Variants in TMTC1 observed in about 807,000 individuals in gnomAD.
The protein encoded by TMTC1 is transmembrane O-mannosyltransferase targeting cadherins 1.
In TMTC1, 73 loss-of-function variants were observed where a neutral mutation model predicts 104.8. The observed-to-expected ratio is 0.70, with a 90% confidence interval of 0.58 to 0.85. TMTC1 has a LOEUF of 0.85. Ranked by LOEUF, TMTC1 falls within the 40% of genes least tolerant of loss-of-function variation. The pLI, the probability that TMTC1 is intolerant of heterozygous loss-of-function variation, is 0.00. For missense variants in TMTC1, 1,035 were observed against 1,096.1 expected (o/e 0.94, Z 0.79); for synonymous variants, 434 against 428.7 (o/e 1.01, Z -0.15).
intron 1 of TMTC1, among the ~76,000 whole-genome samples, chr12:29,776,823 G>A (rs1943720354): frequency 6.6e-6 from 1 of 152,216 alleles, no homozygotes; most frequent in African/African-American, 2.4e-5. Context: ...AAGGTGGTGA[G>A]CACATAAGCC....
At chr12:29,622,093 A>G (rs997386604) in intron 6 of TMTC1, among the ~76,000 whole-genome samples, 3 of 152,166 alleles carry the variant, frequency 2.0e-5, no homozygotes, top group Admixed American at 1.3e-4. Flanking sequence ...AAGGGAGGGG[A>G]GAGACAGGAC....
chr12:29,719,673 C>A (rs1183443444), intron 5 of TMTC1, among the ~76,000 whole-genome samples: 1 of 152,178 alleles, frequency 6.6e-6, no homozygotes, highest in Non-Finnish European at 1.5e-5. Context: ...TTCTATTCTG[C>A]AATGCCTGCA....
chr12:29,515,769 T>TC (rs397952417), intron 15 of TMTC1, among the ~76,000 whole-genome samples: 3 of 151,074 alleles, frequency 2.0e-5, no homozygotes, highest in African/African-American at 7.3e-5. Flanking sequence ...TTTTTTTTTT[T>TC]CATACCACTT....
intron 5 of TMTC1, among the ~76,000 whole-genome samples, chr12:29,699,649 C>CTTTTTTT (rs71444337): frequency 2.3e-5 from 2 of 86,848 alleles, no homozygotes; most frequent in African/African-American, 4.7e-5. Flanking sequence ...TCATCTGGTG[C>CTTTTTTT]TTTTTTTTTT....
At chr12:29,628,813 C>T (rs1208449211) in intron 6 of TMTC1, among the ~76,000 whole-genome samples, 2 of 151,936 alleles carry the variant, frequency 1.3e-5, no homozygotes, top group Non-Finnish European at 2.9e-5. Flanking sequence ...AGGCGCACAC[C>T]ACTATGCCCA....
intron 9 of TMTC1, among the ~76,000 whole-genome samples, chr12:29,560,580 G>A (rs965970625): frequency 2.6e-4 from 40 of 151,782 alleles, no homozygotes; most frequent in Non-Finnish European, 1.3e-4. Context: ...ACAACATGGC[G>A]AAACCCTGTC....
At chr12:29,531,549 A>G (rs1944503543) in intron 11 of TMTC1, among the ~76,000 whole-genome samples, 1 of 152,190 alleles carries the variant, frequency 6.6e-6, no homozygotes, top group Non-Finnish European at 1.5e-5. Context: ...CTGCTACTGC[A>G]ATGCAAAGCT....
chr12:29,601,603 T>A (rs1249489344), intron 7 of TMTC1, among the ~76,000 whole-genome samples: 1 of 151,590 alleles, frequency 6.6e-6, no homozygotes, highest in Non-Finnish European at 1.5e-5. Context: ...GGAAGCAATA[T>A]AGTCTGGAAG....
intron 6 of TMTC1, among the ~76,000 whole-genome samples, chr12:29,615,547 C>A (rs1392186217): frequency 1.3e-5 from 2 of 152,140 alleles, no homozygotes. Context: ...TAATAATATA[C>A]CAATGAATGA....
intron 5 of TMTC1, chr12:29,660,830 T>A: frequency 6.7e-7 from 1 of 1,492,910 alleles, no homozygotes; most frequent in East Asian, 2.5e-5. Context: ...ATGGCCCTTT[T>A]TAAAAATGGT....
intron 7 of TMTC1, among the ~76,000 whole-genome samples, chr12:29,590,311 ATT>A (rs1167332387): frequency 6.6e-6 from 1 of 152,172 alleles, no homozygotes; most frequent in Non-Finnish European, 1.5e-5. Flanking sequence ...TTTGAAACTG[ATT>A]GTTATTGCCA....
At chr12:29,677,407 C>G (rs568712248) in intron 5 of TMTC1, among the ~76,000 whole-genome samples, 1 of 152,106 alleles carries the variant, frequency 6.6e-6, no homozygotes, top group South Asian at 2.1e-4. Flanking sequence ...TGCATAGAAG[C>G]ACAAGCAACC....
intron 1 of TMTC1, among the ~76,000 whole-genome samples, chr12:29,774,591 C>G (rs1243418101): frequency 6.6e-6 from 1 of 152,180 alleles, no homozygotes; most frequent in Non-Finnish European, 1.5e-5. Flanking sequence ...TCCTCTATTA[C>G]TGTTCATCTT....
intron 5 of TMTC1, among the ~76,000 whole-genome samples, chr12:29,683,565 G>A (rs1320779317): frequency 6.6e-6 from 1 of 152,188 alleles, no homozygotes; most frequent in East Asian, 1.9e-4. Context: ...GCAGTCAATT[G>A]TGTGTAACAT....
chr12:29,619,367 C>T lies in TMTC1; in HGVS notation c.1128+13780G>A, dbSNP rs369428463. ...ACTGAATGGTATATTCCACATGACA[C>T]GAGGAAAGAGGATTTGTAAAAGTTT... On this transcript the variant is annotated intron_variant, in intron 6 of 17. Transcript: ENST00000539277. 1.3e-4 allele frequency among the ~76,000 whole-genome samples: 20 copies of T among 152,204 alleles called. No homozygotes were observed. The East Asian group carries it at 2.1e-3, about 16-fold the overall frequency.
At chr12:29,557,327 T>C (rs948066242) in intron 9 of TMTC1, among the ~76,000 whole-genome samples, 1 of 152,232 alleles carries the variant, frequency 6.6e-6, no homozygotes, top group Admixed American at 6.5e-5. Context: ...AGGTGCTAAG[T>C]TTCTAGCCTG....
intron 6 of TMTC1, chr12:29,613,987 A>G: frequency 1.1e-6 from 1 of 928,834 alleles, no homozygotes. Flanking sequence ...TAAAATTAAT[A>G]AGGAGAAAGA....
At chr12:29,689,747 G>A (rs1043314753) in intron 5 of TMTC1, among the ~76,000 whole-genome samples, 1 of 152,212 alleles carries the variant, frequency 6.6e-6, no homozygotes, top group African/African-American at 2.4e-5. Flanking sequence ...ATAAATGAAT[G>A]AGTAAATGTG....
intron 5 of TMTC1, among the ~76,000 whole-genome samples, chr12:29,688,329 C>G (rs1469997816): frequency 6.6e-6 from 1 of 152,178 alleles, no homozygotes; most frequent in African/African-American, 2.4e-5. Context: ...TTAAATAAAA[C>G]AATTGGTCGG....
Sources: allele counts gnomAD v4.1 joint callset (sites outside exome capture counted in the v4.1 genomes callset), GRCh38; gene constraint gnomAD v4.1.1; transcripts MANE v1.5; gene names NCBI Gene and HGNC (gene_info 2026-07-23, HGNC 2026-07-21).